CPNE1: variants seen among roughly 807,000 people sequenced by gnomAD.
The protein encoded by CPNE1 is copine 1.
CPNE1 carries 58 observed loss-of-function variants against 63.2 expected under a neutral mutation model. That is an observed-to-expected ratio of 0.92 (90% confidence interval 0.74 to 1.14). CPNE1 has a LOEUF of 1.14. Among genes scored for constraint, CPNE1 ranks in the 50% most tolerant of loss-of-function variants. The pLI, the probability that CPNE1 is intolerant of heterozygous loss-of-function variation, is 0.00. For synonymous variants in CPNE1, 237 were observed against 249.0 expected, an observed-to-expected ratio of 0.95 and a Z score of 0.45; for missense variants, 672 against 661.7, an observed-to-expected ratio of 1.02 and a Z score of -0.17.
At chr20:35,653,693 C>T in intron 1 of CPNE1, 1 of 1,614,218 alleles carries the variant, frequency 6.2e-7, no homozygotes, top group East Asian at 2.2e-5. Flanking sequence ...TGGGCACAGA[C>T]TTTGGCAGAG....
chr20:35,633,959 CAA>C (rs34006508), intron 1 of CPNE1, among the ~76,000 whole-genome samples: 12 of 40,386 alleles, frequency 3.0e-4, no homozygotes, highest in Non-Finnish European at 3.5e-4. Context: ...GATTCCGTCT[CAA>C]AAAAAAAAAA....
chr20:35,658,159 G>A (rs895258315), intron 1 of CPNE1, among the ~76,000 whole-genome samples: 2 of 152,100 alleles, frequency 1.3e-5, no homozygotes, highest in Non-Finnish European at 2.9e-5. Flanking sequence ...AACCTAACTT[G>A]GGCCTATCTT....
chr20:35,626,640 G>T lies in CPNE1; in HGVS notation c.1400C>A (p.Pro467His). The T allele has an allele frequency of 2.5e-6, 4 of 1,614,108 alleles. No individual in the cohort carries two copies. Among genetic ancestry groups the T allele is most frequent in the Non-Finnish European group, 3.4e-6 (4 of 1,180,026 alleles). Reference sequence around the variant, plus strand: ...AGCCTGCCCAGAACGTGTATGCAGGGGTCCACCATCAGCGTCCAGCTGCTC... The same window carrying T: ...AGCCTGCCCAGAACGTGTATGCAGGTGTCCACCATCAGCGTCCAGCTGCTC... Reference protein sequence around the residue: ...AMEQLDADGGPLHTRSGQAAA... With the variant: ...AMEQLDADGGHLHTRSGQAAA... The change falls in exon 15 of 16, where the codon CCC becomes CAC. Residue 467 changes from proline to histidine, a missense_variant. By Grantham distance (77) the Pro-to-His change is moderately conservative (BLOSUM62 -2). Transcript: ENST00000397443.
intron 1 of CPNE1, among the ~76,000 whole-genome samples, chr20:35,657,882 G>A (rs866309506): frequency 6.6e-6 from 1 of 151,844 alleles, no homozygotes; most frequent in South Asian, 2.1e-4. Context: ...CCAACAAGGT[G>A]AAACCCCGTC....
chr20:35,644,749 C>T (rs1272198250), intron 1 of CPNE1, among the ~76,000 whole-genome samples: 1 of 152,132 alleles, frequency 6.6e-6, no homozygotes, highest in East Asian at 1.9e-4. Context: ...ACATGGTCTC[C>T]CCTCATGATC....
intron 1 of CPNE1, chr20:35,651,874 G>A (rs2033546732): frequency 6.6e-6 from 1 of 152,538 alleles, no homozygotes; most frequent in South Asian, 2.1e-4. Flanking sequence ...CAAACGAAGT[G>A]TGGACTTTTA....
chr20:35,652,647 T>C, intron 1 of CPNE1: 2 of 1,614,238 alleles, frequency 1.2e-6, no homozygotes, highest in Non-Finnish European at 1.7e-6. Context: ...GCATACCTTT[T>C]TCATTGTATT....
chr20:35,660,266 G>A (rs1397895468), intron 1 of CPNE1, among the ~76,000 whole-genome samples: 2 of 151,930 alleles, frequency 1.3e-5, no homozygotes, highest in Non-Finnish European at 2.9e-5. Flanking sequence ...GCAGTGGCGC[G>A]ATCTAGGCTC....
intron 1 of CPNE1, among the ~76,000 whole-genome samples, chr20:35,641,547 G>C (rs1199213770): frequency 6.6e-6 from 1 of 152,146 alleles, no homozygotes; most frequent in African/African-American, 2.4e-5. Flanking sequence ...GTGTAAACTG[G>C]GGGATAGTAT....
intron 1 of CPNE1, among the ~76,000 whole-genome samples, chr20:35,638,839 A>T (rs375671525): frequency 6.5e-4 from 99 of 152,384 alleles, no homozygotes; most frequent in African/African-American, 2.2e-3. Context: ...AAAATGAAGA[A>T]TAAAGTAAAC....
At chr20:35,655,580 A>T (rs1025532251) in intron 1 of CPNE1, among the ~76,000 whole-genome samples, 2 of 152,206 alleles carry the variant, frequency 1.3e-5, no homozygotes, top group South Asian at 2.1e-4. Context: ...CAGTCCCAAG[A>T]CTCAAAAAGT....
At chr20:35,656,352 A>G (rs961834726) in intron 1 of CPNE1, among the ~76,000 whole-genome samples, 1 of 152,182 alleles carries the variant, frequency 6.6e-6, no homozygotes, top group African/African-American at 2.4e-5. Context: ...GACATAATCA[A>G]AAAAGAAATG....
intron 1 of CPNE1, among the ~76,000 whole-genome samples, chr20:35,657,085 A>C (rs79945390): frequency 0.022 from 3,352 of 152,330 alleles, 124 homozygotes; most frequent in African/African-American, 0.077. Flanking sequence ...CACATACACA[A>C]AAATAAAAAG....
chr20:35,631,603 T>C lies in CPNE1; in HGVS notation c.628-25A>G, dbSNP rs753857979. On this transcript the variant is annotated intron_variant, in intron 7 of 15. Transcript: ENST00000397443. ...CCTGAGGGAAAGGTGTGTGTGGACA[T>C]AAACAAGCCAGGTGGCAGATGAGAA... is the stretch of plus-strand genomic sequence containing the variant. 54 of 1,610,964 alleles carry C rather than the reference T, an allele frequency of 3.4e-5. No individual in the cohort carries two copies. In the South Asian group the frequency reaches 5.8e-4, roughly 17 times the overall value.
intron 1 of CPNE1, among the ~76,000 whole-genome samples, chr20:35,635,063 CA>C: frequency 6.6e-6 from 1 of 152,132 alleles, no homozygotes; most frequent in South Asian, 2.1e-4. Flanking sequence ...GTTTCTACCC[CA>C]AACACTTTGC....
chr20:35,630,520 TC>T, intron 12 of CPNE1, 30 bp from the exon 13 acceptor site: 1 of 1,611,542 alleles, frequency 6.2e-7, no homozygotes, highest in Non-Finnish European at 8.5e-7. Flanking sequence ...TGAGGTTCTT[TC>T]CCCATGACCT....
intron 1 of CPNE1, among the ~76,000 whole-genome samples, chr20:35,646,270 A>G (rs1251754694): frequency 6.6e-6 from 1 of 151,056 alleles, no homozygotes; most frequent in African/African-American, 2.4e-5. Context: ...AAAAAAAAAA[A>G]AAAAAAAAGA....
Position 35,632,686 on chromosome 20 carries a change from G to T in CPNE1, c.140C>A (p.Thr47Asn). The T allele has an allele frequency of 9.6e-7, 1 of 1,041,658 alleles. No homozygotes were observed. 64.5% of individuals were successfully genotyped at this position (1,041,658 alleles called of 1,614,324 possible). The change falls in exon 3 of 16, where the codon ACT becomes AAT. Residue 47 changes from threonine (T) to asparagine (N), a missense_variant. Coordinates refer to ENST00000397443, the MANE Select transcript of CPNE1 (RefSeq NM_152925.3). ...GCTTGAGCAGTTCCGCACCCGTTCA[G>T]TCCGGCCAAGCTGTGGGCAGAGGCC... ...GGGSWAELGR[T>N]ERVRNCSSPE...
chr20:35,648,172 GCTA>G (rs1347131129), intron 1 of CPNE1, among the ~76,000 whole-genome samples: 2 of 151,946 alleles, frequency 1.3e-5, no homozygotes, highest in Non-Finnish European at 2.9e-5. Flanking sequence ...AGAGAATTGT[GCTA>G]CTACCAGAGT....
Sources: gnomAD v4.1 joint callset for allele counts (sites outside exome capture counted in the v4.1 genomes callset) on GRCh38, gnomAD v4.1.1 for gene constraint, MANE v1.5 for transcripts, NCBI Gene and HGNC (gene_info 2026-07-23, HGNC 2026-07-21) for gene names.